The following ARHGEF18 variants were observed in gnomAD, a reference collection of about 807,000 sequenced individuals.
ARHGEF18 encodes rho guanine nucleotide exchange factor 18.
A neutral mutation model predicts 155.7 loss-of-function variants in ARHGEF18; 93 were observed. The ratio of observed to expected loss-of-function variants is 0.60; its 90% CI spans 0.50 to 0.71. The LOEUF (loss-of-function observed/expected upper bound fraction) is 0.71, where lower values mean the gene tolerates loss of function less well. ARHGEF18 is among the 30% of genes least tolerant of loss of function. ARHGEF18 has a pLI of 0.00. For synonymous variants in ARHGEF18, 742 were observed against 753.1 expected (o/e 0.99, Z 0.24); for missense variants, 1,593 against 1,816.1 (o/e 0.88, Z 2.23).
At chr19:7,406,022 T>G (rs948061274) in intron 10 of ARHGEF18, among the ~76,000 whole-genome samples, 2 of 152,132 alleles carry the variant, frequency 1.3e-5, no homozygotes, top group African/African-American at 4.8e-5. Context: ...GTCTCACTCT[T>G]TAGAACCAGT....
At chr19:7,386,869 G>C (rs902576336) in intron 10 of ARHGEF18, among the ~76,000 whole-genome samples, 1 of 152,012 alleles carries the variant, frequency 6.6e-6, no homozygotes, top group Non-Finnish European at 1.5e-5. Context: ...AGTTCCCATT[G>C]CTGCTTCGGA....
chr19:7,371,934 G>A (rs1436927773), intron 2 of ARHGEF18, among the ~76,000 whole-genome samples: 1 of 152,186 alleles, frequency 6.6e-6, no homozygotes, highest in Non-Finnish European at 1.5e-5. Flanking sequence ...TCTGGGTAAA[G>A]GGCAAACCCT....
intron 10 of ARHGEF18, among the ~76,000 whole-genome samples, chr19:7,402,232 A>G (rs1416448034): frequency 2.0e-5 from 3 of 152,146 alleles, no homozygotes; most frequent in African/African-American, 7.2e-5. Flanking sequence ...CAGCCTGGCC[A>G]ACATGGTGAA....
rs1346977378 is a variant in ARHGEF18, at chr19:7,440,512, G to A, written c.1106+30G>A. 3.8e-6 allele frequency: 6 copies of A among 1,570,950 alleles called. No homozygotes were observed. In the African/African-American group the frequency reaches 4.0e-5, roughly 11 times the overall value. On this transcript the variant is annotated intron_variant, in intron 11 of 28. Transcript: ENST00000668164. The surrounding 1 kb of genome is among the most constrained non-coding windows in gnomAD (Gnocchi z 5.4). The stretch of plus-strand genomic sequence containing the variant: ...GCCAGGGTCCCCTCTGTGCCCTCGG[G>A]TGGGTGGTGGCATTCCCCGGGGAGC...
intron 1 of ARHGEF18, among the ~76,000 whole-genome samples, 174 bp from the exon 2 acceptor site, chr19:7,362,607 C>A (rs930441052): frequency 2.6e-5 from 4 of 152,126 alleles, no homozygotes; most frequent in Non-Finnish European, 5.9e-5. Context: ...GAAGAGGTGA[C>A]ACGTATGTTG....
intron 1 of ARHGEF18, among the ~76,000 whole-genome samples, chr19:7,353,980 GAA>G (rs1568258223): frequency 1.3e-5 from 2 of 148,952 alleles, no homozygotes; most frequent in African/African-American, 4.9e-5. Flanking sequence ...AAGAAAGAAA[GAA>G]AAAGAAAAGA....
At chr19:7,367,286 C>A (rs1235774290) in intron 2 of ARHGEF18, among the ~76,000 whole-genome samples, 1 of 152,080 alleles carries the variant, frequency 6.6e-6, no homozygotes, top group African/African-American at 2.4e-5. Context: ...TGACTGAGGT[C>A]TTTTTACCCA....
At chr19:7,385,274 T>G (rs1485713305) in intron 10 of ARHGEF18, among the ~76,000 whole-genome samples, 1 of 152,114 alleles carries the variant, frequency 6.6e-6, no homozygotes, top group Non-Finnish European at 1.5e-5. Context: ...ACCATGCACT[T>G]CCTTCTGTGA....
chr19:7,354,523 G>A lies in ARHGEF18; in HGVS notation c.-111+5282G>A, dbSNP rs540427425. ...TTTTTCAGACACAAGGAGTGAAGACGCTGATAAAGGAGCTTCCACCACGAG... is the reference window on the plus strand; with the variant it reads ...TTTTTCAGACACAAGGAGTGAAGACACTGATAAAGGAGCTTCCACCACGAG... On this transcript the variant is annotated intron_variant, in intron 1 of 28. Transcript: ENST00000668164. Among the ~76,000 whole-genome samples the A allele has an allele frequency of 2.0e-5, 3 of 152,250 alleles. No homozygotes were observed. In the East Asian group the frequency reaches 5.8e-4, roughly 29 times the overall value.
intron 18 of ARHGEF18, among the ~76,000 whole-genome samples, chr19:7,457,353 CTTTTTTTTTTT>C (rs1159186670): frequency 3.3e-5 from 2 of 60,216 alleles, no homozygotes; most frequent in South Asian, 1.4e-3. Flanking sequence ...AATCACCTCT[CTTTTTTTTTTT>C]TTTTTTTTTT....
chr19:7,431,073 G>A (rs1345909916), intron 10 of ARHGEF18, among the ~76,000 whole-genome samples: 3 of 152,100 alleles, frequency 2.0e-5, no homozygotes, highest in Non-Finnish European at 4.4e-5. Flanking sequence ...AGGATCACTC[G>A]AGACAAGGAG....
chr19:7,414,071 T>G (rs1335879122), intron 10 of ARHGEF18, among the ~76,000 whole-genome samples: 1 of 152,110 alleles, frequency 6.6e-6, no homozygotes. Flanking sequence ...GCCTAGATAC[T>G]GTAGGCATTT....
intron 16 of ARHGEF18, among the ~76,000 whole-genome samples, 158 bp downstream of exon 16, chr19:7,451,424 T>A (rs1010810251): frequency 3.5e-5 from 5 of 143,422 alleles, no homozygotes; most frequent in African/African-American, 1.1e-4. Flanking sequence ...TTTTTTTTTT[T>A]AAGAGACAGA....
chr19:7,473,674 G>A (rs533354896), downstream of ARHGEF18, among the ~76,000 whole-genome samples: 10 of 152,220 alleles, frequency 6.6e-5, no homozygotes, highest in East Asian at 7.7e-4. Context: ...GCCGGGCGTG[G>A]TGGCGGGCGC....
intron 18 of ARHGEF18, among the ~76,000 whole-genome samples, chr19:7,457,240 G>A (rs1032043813): frequency 6.6e-6 from 1 of 151,930 alleles, no homozygotes; most frequent in Non-Finnish European, 1.5e-5. Context: ...CTGTGTCCTC[G>A]AGTGGCCATC....
At chr19:7,355,070 A>T (rs1194216925) in intron 1 of ARHGEF18, among the ~76,000 whole-genome samples, 1 of 368 alleles carries the variant, frequency 2.7e-3, no homozygotes, top group African/African-American at 5.3e-3. Context: ...AATGGGCTTC[A>T]CACACACACA....
chr19:7,377,817 G>A (rs1738359992), intron 5 of ARHGEF18, among the ~76,000 whole-genome samples: 1 of 150,864 alleles, frequency 6.6e-6, no homozygotes, highest in African/African-American at 2.4e-5. Context: ...TGGTGCGGTG[G>A]CTCACGCCTG....
chr19:7,458,296 TTAAAA>T (rs1253275772), intron 18 of ARHGEF18, among the ~76,000 whole-genome samples: 6 of 110,032 alleles, frequency 5.5e-5, no homozygotes, highest in African/African-American at 1.4e-4. Flanking sequence ...CCAAGATAGT[TTAAAA>T]AAAAAAAAAA....
intron 10 of ARHGEF18, among the ~76,000 whole-genome samples, chr19:7,422,693 C>A (rs1973425831): frequency 6.7e-6 from 1 of 150,126 alleles, no homozygotes; most frequent in African/African-American, 2.4e-5. Flanking sequence ...ATCAGTCCCA[C>A]AACAAAATGT....
Sources: allele counts gnomAD v4.1 joint callset (sites outside exome capture counted in the v4.1 genomes callset), GRCh38; gene constraint gnomAD v4.1.1; non-coding constraint Gnocchi (gnomAD v3.1); transcripts MANE v1.5; gene names NCBI Gene and HGNC (gene_info 2026-07-23, HGNC 2026-07-21).